GRK5: variants seen among roughly 807,000 people sequenced by gnomAD.
GRK5 encodes G protein-coupled receptor kinase 5.
GRK5 carries 40 observed loss-of-function variants against 78.4 expected under a neutral mutation model. The ratio of observed to expected loss-of-function variants is 0.51; its 90% CI spans 0.40 to 0.66. The LOEUF is 0.66. Among genes scored for constraint, GRK5 ranks in the 30% least tolerant of loss-of-function variants. The pLI, the probability that GRK5 is intolerant of heterozygous loss-of-function variation, is 0.00. For synonymous variants in GRK5, 289 were observed against 296.8 expected (o/e 0.97, Z 0.27); for missense variants, 598 against 759.9 (o/e 0.79, Z 2.50).
intron 1 of GRK5, among the ~76,000 whole-genome samples, chr10:119,317,292 T>C (rs1850503429): frequency 6.6e-6 from 1 of 152,162 alleles, no homozygotes; most frequent in Admixed American, 6.5e-5. Context: ...CTCTGGGATC[T>C]GTAAACAATA....
Position 119,430,358 on chromosome 10 carries a change from A to G in GRK5, c.534-17A>G. 2 of 1,611,818 alleles carry G rather than the reference A, an allele frequency of 1.2e-6. No homozygotes were observed. Among genetic ancestry groups the G allele is most frequent in the South Asian group, 1.1e-5 (1 of 90,998 alleles). ...CTTGGCACCATGAGACCAGTGTGGGATTCTTCTTTCTTCCAGGCAACCGGT... is the reference window on the plus strand; with the variant it reads ...CTTGGCACCATGAGACCAGTGTGGGGTTCTTCTTTCTTCCAGGCAACCGGT... On this transcript the variant is annotated splice_polypyrimidine_tract_variant and intron_variant, in intron 6 of 15. Transcript: ENST00000392870. This position sits in a 1 kb window ranked among gnomAD's most constrained non-coding sequence, Gnocchi z 4.5.
chr10:119,219,145 C>T (rs1024523208), intron 1 of GRK5, among the ~76,000 whole-genome samples: 22 of 152,178 alleles, frequency 1.4e-4, no homozygotes, highest in African/African-American at 5.3e-4. Flanking sequence ...GCCTCGGCCT[C>T]CCAAAGTGCT....
intron 1 of GRK5, among the ~76,000 whole-genome samples, chr10:119,270,403 C>A (rs1322040314): frequency 6.6e-6 from 1 of 152,228 alleles, no homozygotes; most frequent in Admixed American, 6.5e-5. Flanking sequence ...TACGTTATAG[C>A]AACTGTATAC....
At position 119,455,303 on chromosome 10, in the gene GRK5, T is replaced by C; in HGVS notation, c.*236T>C. On this transcript the variant is annotated 3_prime_UTR_variant, in exon 16 of 16. Transcript: ENST00000392870. ...GGATTGGATTTGTCTTTGGTGAACA[T>C]TGCAATAGAAATCCAATTGGATACG... The C allele has an allele frequency of 1.5e-6, 1 of 688,480 alleles. No homozygotes were observed. The highest frequency in any genetic ancestry group is 2.0e-5 in the Admixed American group (1 of 49,090). The allele number at this position is 688,480 out of a possible 1,614,324, so 42.6% of individuals were successfully genotyped here. A position where few individuals can be genotyped will look rare whatever the true frequency, so the allele number is the denominator to read the frequency against.
intron 4 of GRK5, among the ~76,000 whole-genome samples, chr10:119,399,330 C>T (rs1852109670): frequency 6.6e-6 from 1 of 152,242 alleles, no homozygotes; most frequent in Admixed American, 6.5e-5. Context: ...TCTGGAGCCT[C>T]ATTTACCTCT....
At chr10:119,450,013 G>A (rs1047327256) in intron 13 of GRK5, among the ~76,000 whole-genome samples, 1 of 152,190 alleles carries the variant, frequency 6.6e-6, no homozygotes, top group African/African-American at 2.4e-5. Context: ...TTCTAGCGTA[G>A]AGCCAGGGTT....
At position 119,318,008 on chromosome 10, in the gene GRK5, T is replaced by C. The variant is rs549365009; in HGVS notation, c.53-8508T>C. 7.4e-4 allele frequency among the ~76,000 whole-genome samples: 112 copies of C among 151,962 alleles called. 1 individual carries two copies. The highest frequency in any genetic ancestry group is 2.6e-3 in the African/African-American group (109 of 41,446). Reference sequence around the variant, plus strand: ...AGGTCCAGGGTGGGGCCCAGGAAGCTGCATTTCTAACTGGCTCCCAGCGAT... The same window carrying C: ...AGGTCCAGGGTGGGGCCCAGGAAGCCGCATTTCTAACTGGCTCCCAGCGAT... On this transcript the variant is annotated intron_variant, in intron 1 of 15. Transcript: ENST00000392870.
chr10:119,343,393 C>T (rs1851017342), intron 2 of GRK5, among the ~76,000 whole-genome samples: 1 of 152,200 alleles, frequency 6.6e-6, no homozygotes, highest in South Asian at 2.1e-4. Flanking sequence ...CACACTCGTC[C>T]AATCACTACA....
At chr10:119,249,567 G>A (rs545087131) in intron 1 of GRK5, among the ~76,000 whole-genome samples, 1 of 151,932 alleles carries the variant, frequency 6.6e-6, no homozygotes, top group South Asian at 2.1e-4. Flanking sequence ...GCGCGATCTC[G>A]GCTCACTGCA....
chr10:119,380,813 A>G lies in GRK5; in HGVS notation c.149-2A>G, dbSNP rs1409241488. On this transcript the variant is annotated splice_acceptor_variant, in intron 2 of 15. Coordinates refer to ENST00000392870, the MANE Select transcript of GRK5 (RefSeq NM_005308.3). LOFTEE classifies it high-confidence loss of function. ...ATCACATTCTTCTTTTCTTGTCTCC[A>G]GACAGAGATTACTGCAGTTTATGTG... 6.3e-7 allele frequency: 1 copy of G among 1,596,220 alleles called. No homozygotes were observed. The highest frequency in any genetic ancestry group is 1.7e-5 in the Admixed American group (1 of 59,890).
intron 1 of GRK5, among the ~76,000 whole-genome samples, chr10:119,209,818 C>G (rs1037793490): frequency 2.0e-4 from 30 of 152,022 alleles, no homozygotes; most frequent in African/African-American, 6.0e-4. Context: ...GGAATCTGCC[C>G]CCGACATTTG....
intron 2 of GRK5, among the ~76,000 whole-genome samples, chr10:119,338,902 A>G (rs1423300295): frequency 6.6e-6 from 1 of 152,352 alleles, no homozygotes; most frequent in East Asian, 1.9e-4. Context: ...TTTTCCACCT[A>G]GTTTTTGCCA....
At chr10:119,314,866 A>G (rs1208248562) in intron 1 of GRK5, among the ~76,000 whole-genome samples, 1 of 152,152 alleles carries the variant, frequency 6.6e-6, no homozygotes, top group African/African-American at 2.4e-5. Flanking sequence ...GATTCTGGAG[A>G]TTGTGCAGAA....
At chr10:119,311,118 A>G (rs939330447) in intron 1 of GRK5, among the ~76,000 whole-genome samples, 13 of 152,212 alleles carry the variant, frequency 8.5e-5, no homozygotes, top group Non-Finnish European at 1.9e-4. Flanking sequence ...TATGGTGTGC[A>G]GTGTGGCTTA....
intron 4 of GRK5, among the ~76,000 whole-genome samples, chr10:119,415,379 G>A (rs1181935455): frequency 6.6e-6 from 1 of 152,178 alleles, no homozygotes; most frequent in Non-Finnish European, 1.5e-5. Context: ...GGAGAGCAGG[G>A]GAAGAAAAGG....
At chr10:119,233,518 G>A (rs558922068) in intron 1 of GRK5, among the ~76,000 whole-genome samples, 10 of 152,030 alleles carry the variant, frequency 6.6e-5, no homozygotes, top group Non-Finnish European at 1.3e-4. Flanking sequence ...CTGATGGGGT[G>A]GGGGAGAGAG....
At chr10:119,273,852 C>T (rs1849624881) in intron 1 of GRK5, among the ~76,000 whole-genome samples, 1 of 152,192 alleles carries the variant, frequency 6.6e-6, no homozygotes, top group African/African-American at 2.4e-5. Flanking sequence ...CAGCTCACTG[C>T]AACCTCCATC....
In GRK5 at chr10:119,445,081, A is replaced by G. The variant is rs1383288950; in HGVS notation, c.1266+1329A>G. On this transcript the variant is annotated intron_variant, in intron 12 of 15. Coordinates refer to ENST00000392870, the MANE Select transcript of GRK5 (RefSeq NM_005308.3). This position sits in a 1 kb window ranked among gnomAD's most constrained non-coding sequence, Gnocchi z 4.1. ...GAAGTCCTGTGTGTACAGCAGACCC[A>G]CACTCTAACCCCACAGCTGTTGGCC... 6.6e-6 allele frequency among the ~76,000 whole-genome samples: 1 copy of G among 152,054 alleles called. No individual in the cohort carries two copies. The highest frequency in any genetic ancestry group is 2.4e-5 in the African/African-American group (1 of 41,382).
At chr10:119,208,152 G>T (rs1245300418) in intron 1 of GRK5, among the ~76,000 whole-genome samples, 183 bp downstream of exon 1, 1 of 152,282 alleles carries the variant, frequency 6.6e-6, no homozygotes, top group Non-Finnish European at 1.5e-5. Flanking sequence ...GGGGCTCAGA[G>T]AATCTGGACT....
Sources: gnomAD v4.1 joint callset for allele counts (sites outside exome capture counted in the v4.1 genomes callset) on GRCh38, gnomAD v4.1.1 for gene constraint, Gnocchi (gnomAD v3.1) non-coding constraint, MANE v1.5 for transcripts, NCBI Gene and HGNC (gene_info 2026-07-23, HGNC 2026-07-21) for gene names.